The following LARGE1 variants were observed in gnomAD, a reference collection of about 807,000 sequenced individuals.
LARGE1 encodes LARGE xylosyl- and glucuronyltransferase 1.
A neutral mutation model predicts 87.6 loss-of-function variants in LARGE1; 43 were observed. The observed-to-expected ratio is 0.49, with a 90% CI of 0.38 to 0.63. LARGE1 has a LOEUF of 0.63. Ranked by LOEUF, LARGE1 falls within the 30% of genes least tolerant of loss-of-function variation. The pLI is 0.00. For missense variants in LARGE1, 802 were observed against 1,000.2 expected (o/e 0.80, Z 2.67); for synonymous variants, 434 against 394.6 (o/e 1.10, Z -1.18).
At chr22:33,554,881 G>A (rs747900214) in intron 6 of LARGE1, among the ~76,000 whole-genome samples, 10 of 152,104 alleles carry the variant, frequency 6.6e-5, no homozygotes, top group South Asian at 2.1e-4. Flanking sequence ...AATAGTTATC[G>A]GGCACCTTCT....
chr22:33,783,745 G>A (rs975982398), intron 1 of LARGE1, among the ~76,000 whole-genome samples: 1 of 152,128 alleles, frequency 6.6e-6, no homozygotes. Context: ...CCAAGGATAT[G>A]GTCGCAGGAT....
chr22:33,178,270 T>G (rs578157564), intron 11 of LARGE1, among the ~76,000 whole-genome samples: 15 of 152,212 alleles, frequency 9.9e-5, no homozygotes, highest in Non-Finnish European at 2.2e-4. Flanking sequence ...GAGTGATATC[T>G]TCCCAGGCCC....
At chr22:33,271,426 G>C (rs754141051), downstream of LARGE1, among the ~76,000 whole-genome samples, 5 of 152,160 alleles carry the variant, frequency 3.3e-5, no homozygotes, top group Non-Finnish European at 5.9e-5. Context: ...TTTGCTCCAA[G>C]GGTTCGGTGA....
chr22:33,612,572 A>G (rs1045717328), intron 4 of LARGE1, among the ~76,000 whole-genome samples: 3 of 152,368 alleles, frequency 2.0e-5, no homozygotes, highest in South Asian at 4.1e-4. Context: ...CAAAGGTGGT[A>G]AAGTACAGAG....
chr22:33,795,857 G>T (rs932174740), intron 1 of LARGE1, among the ~76,000 whole-genome samples: 1 of 152,050 alleles, frequency 6.6e-6, no homozygotes, highest in South Asian at 2.1e-4. Context: ...CGTGGGGTGG[G>T]GGGAGGTGGG....
At chr22:33,443,992 T>C (rs911622592) in intron 6 of LARGE1, among the ~76,000 whole-genome samples, 1 of 152,272 alleles carries the variant, frequency 6.6e-6, no homozygotes, top group East Asian at 1.9e-4. Context: ...ACAGAATTTG[T>C]TGGCATCTTT....
chr22:33,319,146 G>C (rs757854607), intron 10 of LARGE1, among the ~76,000 whole-genome samples: 1 of 152,102 alleles, frequency 6.6e-6, no homozygotes, highest in African/African-American at 2.4e-5. Flanking sequence ...TTACTAAAGC[G>C]GCACAGTTTA....
chr22:33,666,558 G>C (rs1035799871), intron 2 of LARGE1, among the ~76,000 whole-genome samples: 9 of 152,188 alleles, frequency 5.9e-5, no homozygotes, highest in Admixed American at 1.3e-4. Context: ...AAACAGAAAG[G>C]AGGTGGGAGC....
At chr22:33,253,142 A>G (rs919605532) in intron 11 of LARGE1, among the ~76,000 whole-genome samples, 4 of 152,228 alleles carry the variant, frequency 2.6e-5, no homozygotes, top group Non-Finnish European at 5.9e-5. Context: ...TGAGAACCTG[A>G]GAAAGCTACT....
chr22:33,535,028 G>C lies in LARGE1; in HGVS notation c.787+29820C>G, dbSNP rs139981297. Reference sequence around the variant, plus strand: ...CATTATCACAATCTTGGGCTGGGCTGTTTCCCCAAAGAGGAATCATACAAT... The same window carrying C: ...CATTATCACAATCTTGGGCTGGGCTCTTTCCCCAAAGAGGAATCATACAAT... On this transcript the variant is annotated intron_variant, in intron 6 of 14. Coordinates refer to ENST00000397394, the MANE Select transcript of LARGE1 (RefSeq NM_133642.5). Among the ~76,000 whole-genome samples the C allele has an allele frequency of 1.8e-3, 281 of 152,338 alleles. 1 individual carries two copies. The highest frequency in any genetic ancestry group is 6.4e-3 in the African/African-American group (265 of 41,584).
At chr22:33,348,516 T>C (rs139922467) in intron 9 of LARGE1, among the ~76,000 whole-genome samples, 196 of 152,280 alleles carry the variant, frequency 1.3e-3, no homozygotes, top group Non-Finnish European at 2.3e-3. Flanking sequence ...ATGTGTCAAC[T>C]TGACTGGATC....
At chr22:33,281,362 GT>G (rs1338952859) in intron 13 of LARGE1, among the ~76,000 whole-genome samples, 1 of 151,596 alleles carries the variant, frequency 6.6e-6, no homozygotes, top group African/African-American at 2.4e-5. Context: ...TGAGGAGCAA[GT>G]TTTTACTCTG....
chr22:33,690,291 T>C (rs1230918269), intron 2 of LARGE1, among the ~76,000 whole-genome samples: 1 of 152,218 alleles, frequency 6.6e-6, no homozygotes. Flanking sequence ...TTCTTAGACC[T>C]CAGTTTCCTC....
chr22:33,156,087 G>A, the LARGE1 span, among the ~76,000 whole-genome samples: 1 of 152,222 alleles, frequency 6.6e-6, no homozygotes, highest in African/African-American at 2.4e-5. Context: ...GGATGCCCAG[G>A]CAGAAGTTTG....
At chr22:33,305,844 C>CTTTTTT (rs111657762) in intron 11 of LARGE1, among the ~76,000 whole-genome samples, 4 of 136,908 alleles carry the variant, frequency 2.9e-5, no homozygotes, top group Admixed American at 1.5e-4. Flanking sequence ...TTTTCTTTTT[C>CTTTTTT]TTTTTTTTTT....
chr22:33,752,948 G>T (rs916526875), intron 2 of LARGE1, among the ~76,000 whole-genome samples: 4 of 152,242 alleles, frequency 2.6e-5, no homozygotes, highest in Admixed American at 2.6e-4. Flanking sequence ...CTGGCCAGGT[G>T]GGGCAGCTCA....
intron 3 of LARGE1, among the ~76,000 whole-genome samples, chr22:33,639,809 TGA>T (rs1414977879): frequency 6.6e-6 from 1 of 152,186 alleles, no homozygotes; most frequent in Non-Finnish European, 1.5e-5. Flanking sequence ...CTCCAACTTC[TGA>T]GGCACACAGA....
At chr22:33,181,827 C>CTTTT (rs56347007) in intron 11 of LARGE1, among the ~76,000 whole-genome samples, 4,888 of 127,944 alleles carry the variant, frequency 0.038, 133 homozygotes, top group Middle Eastern at 0.055. Context: ...TATGCCTGGC[C>CTTTT]TTTTTTTTTT....
At chr22:33,205,231 A>C (rs1313983873) in intron 11 of LARGE1, among the ~76,000 whole-genome samples, 1 of 152,200 alleles carries the variant, frequency 6.6e-6, no homozygotes, top group Non-Finnish European at 1.5e-5. Flanking sequence ...CATGACACTC[A>C]TCATTTGCTA....
Sources: gnomAD v4.1 joint callset for allele counts (sites outside exome capture counted in the v4.1 genomes callset) on GRCh38, gnomAD v4.1.1 for gene constraint, MANE v1.5 for transcripts, NCBI Gene and HGNC (gene_info 2026-07-23, HGNC 2026-07-21) for gene names.